The following KCTD16 variants were observed in gnomAD, a reference collection of about 807,000 sequenced individuals.
The protein encoded by KCTD16 is potassium channel tetramerization domain containing 16, also known as BTB/POZ domain-containing protein KCTD16.
Under a neutral mutation model 33.2 loss-of-function variants are expected in KCTD16, and 13 were observed. That is an observed-to-expected ratio of 0.39 (90% CI 0.25 to 0.62). The LOEUF is 0.62. Among genes scored for constraint, KCTD16 ranks in the 20% least tolerant of loss-of-function variants. The pLI is 0.50. For missense variants in KCTD16, 441 were observed against 525.1 expected (o/e 0.84, Z 1.57); for synonymous variants, 197 against 195.3 (o/e 1.01, Z -0.07).
chr5:144,369,657 A>G (rs1023765646), intron 3 of KCTD16, among the ~76,000 whole-genome samples: 5 of 152,138 alleles, frequency 3.3e-5, no homozygotes, highest in Non-Finnish European at 5.9e-5. Context: ...TGAAATACAC[A>G]TTGTTATAAG....
At position 144,476,171 on chromosome 5, in the gene KCTD16, T is replaced by A. The variant is rs544520669; in HGVS notation, c.*2057T>A. The A allele has an allele frequency of 6.6e-6, 1 of 152,272 alleles. No individual in the cohort carries two copies. Among genetic ancestry groups the A allele is most frequent in the South Asian group, 2.1e-4 (1 of 4,820 alleles). 9.4% of individuals were successfully genotyped at this position (152,272 alleles called of 1,614,324 possible). A position where few individuals can be genotyped will look rare whatever the true frequency, so the allele number is the denominator to read the frequency against. On this transcript the variant is annotated 3_prime_UTR_variant, in exon 4 of 4. Transcript: ENST00000512467. ...AGATCTTGCAAAGAATCACAGAGCT[T>A]AATGGGTCAAGAAGTTGAATTTGGG...
At chr5:144,342,583 C>T (rs1580887044) in intron 3 of KCTD16, among the ~76,000 whole-genome samples, 1 of 152,272 alleles carries the variant, frequency 6.6e-6, no homozygotes, top group East Asian at 1.9e-4. Context: ...CTTCTCCTGC[C>T]TGATTGCCCT....
At chr5:144,409,624 C>A (rs1296098339) in intron 3 of KCTD16, among the ~76,000 whole-genome samples, 1 of 151,818 alleles carries the variant, frequency 6.6e-6, no homozygotes, top group Non-Finnish European at 1.5e-5. Context: ...TTTGGGAGGC[C>A]GAGGTGGGCA....
intron 2 of KCTD16, among the ~76,000 whole-genome samples, chr5:144,200,258 T>G (rs1357960918): frequency 1.3e-5 from 2 of 152,178 alleles, no homozygotes; most frequent in African/African-American, 4.8e-5. Flanking sequence ...ACAGACAGCT[T>G]TTGCTTTCAT....
At chr5:144,200,845 T>TC (rs1485589287) in intron 2 of KCTD16, among the ~76,000 whole-genome samples, 1 of 152,076 alleles carries the variant, frequency 6.6e-6, no homozygotes, top group Non-Finnish European at 1.5e-5. Context: ...CAAGGTATTC[T>TC]CCCCCCTCAG....
intron 3 of KCTD16, among the ~76,000 whole-genome samples, chr5:144,233,392 G>A (rs1754161631): frequency 6.6e-6 from 1 of 151,990 alleles, no homozygotes; most frequent in Non-Finnish European, 1.5e-5. Flanking sequence ...TACCATCAAG[G>A]TCAACTCTGT....
At chr5:144,448,246 A>G (rs1470522448) in intron 3 of KCTD16, among the ~76,000 whole-genome samples, 1 of 152,130 alleles carries the variant, frequency 6.6e-6, no homozygotes, top group Non-Finnish European at 1.5e-5. Context: ...TAGAAGATCT[A>G]AAGATTATTA....
chr5:144,379,392 T>C (rs941914183), intron 3 of KCTD16, among the ~76,000 whole-genome samples: 19 of 152,168 alleles, frequency 1.2e-4, no homozygotes, highest in African/African-American at 4.1e-4. Flanking sequence ...AGAATTGTAA[T>C]AAGATGAATT....
At chr5:144,374,614 G>A (rs1208533259) in intron 3 of KCTD16, among the ~76,000 whole-genome samples, 1 of 152,120 alleles carries the variant, frequency 6.6e-6, no homozygotes, top group Non-Finnish European at 1.5e-5. Context: ...ACTAATAGAG[G>A]TAGTGTTTTC....
At chr5:144,401,247 C>A (rs1461098334) in intron 3 of KCTD16, among the ~76,000 whole-genome samples, 1 of 151,970 alleles carries the variant, frequency 6.6e-6, no homozygotes, top group Non-Finnish European at 1.5e-5. Context: ...ATTACAGCAC[C>A]AATCATATGA....
chr5:144,243,616 C>T (rs1754463548), intron 3 of KCTD16, among the ~76,000 whole-genome samples: 1 of 152,076 alleles, frequency 6.6e-6, no homozygotes, highest in Non-Finnish European at 1.5e-5. Context: ...GATGATTTTC[C>T]TCCACAGAGG....
At chr5:144,275,739 TG>T (rs1755421879) in intron 3 of KCTD16, among the ~76,000 whole-genome samples, 1 of 152,118 alleles carries the variant, frequency 6.6e-6, no homozygotes, top group Non-Finnish European at 1.5e-5. Context: ...AAGGTGGTGG[TG>T]GGAGTGAAGT....
At chr5:144,293,675 C>T (rs917623202) in intron 3 of KCTD16, among the ~76,000 whole-genome samples, 1 of 152,096 alleles carries the variant, frequency 6.6e-6, no homozygotes, top group Non-Finnish European at 1.5e-5. Context: ...TCCCCTAGGT[C>T]CATGACAATT....
At chr5:144,276,439 T>C (rs1487810791) in intron 3 of KCTD16, among the ~76,000 whole-genome samples, 1 of 152,216 alleles carries the variant, frequency 6.6e-6, no homozygotes, top group Non-Finnish European at 1.5e-5. Context: ...GGAATATTTT[T>C]GCATGTGGTT....
intron 3 of KCTD16, among the ~76,000 whole-genome samples, chr5:144,447,865 GAATT>G (rs1211996002): frequency 6.6e-6 from 1 of 151,942 alleles, no homozygotes; most frequent in African/African-American, 2.4e-5. Flanking sequence ...CTCTCTATTG[GAATT>G]AACTAGTGTG....
At chr5:144,369,877 A>G (rs906230220) in intron 3 of KCTD16, among the ~76,000 whole-genome samples, 1 of 152,176 alleles carries the variant, frequency 6.6e-6, no homozygotes, top group African/African-American at 2.4e-5. Context: ...TAGGACTTAT[A>G]AGAAAACATA....
intron 3 of KCTD16, among the ~76,000 whole-genome samples, chr5:144,265,930 T>C (rs1289361744): frequency 6.6e-6 from 1 of 152,194 alleles, no homozygotes; most frequent in African/African-American, 2.4e-5. Flanking sequence ...TTTTCTCCTA[T>C]ATATGGCCTC....
chr5:144,273,565 A>C (rs532670557), intron 3 of KCTD16, among the ~76,000 whole-genome samples: 1 of 152,320 alleles, frequency 6.6e-6, no homozygotes, highest in African/African-American at 2.4e-5. Context: ...CATGGAAGCA[A>C]CCTAAGTGTC....
intron 3 of KCTD16, among the ~76,000 whole-genome samples, chr5:144,419,497 A>G (rs1753161084): frequency 6.6e-6 from 1 of 152,118 alleles, no homozygotes; most frequent in Non-Finnish European, 1.5e-5. Context: ...GTTTAATGTG[A>G]ATGGGATGGT....
Sources: allele counts gnomAD v4.1 joint callset (sites outside exome capture counted in the v4.1 genomes callset), GRCh38; gene constraint gnomAD v4.1.1; transcripts MANE v1.5; gene names NCBI Gene and HGNC (gene_info 2026-07-23, HGNC 2026-07-21).